CHD9: variants seen among roughly 807,000 people sequenced by gnomAD.
The protein encoded by CHD9 is ATP-dependent chromatin remodeler CHD9.
A neutral mutation model predicts 316.1 loss-of-function variants in CHD9; 77 were observed. The observed-to-expected ratio is 0.24, with a 90% confidence interval of 0.20 to 0.29. The LOEUF is 0.29. CHD9 is among the 10% of genes least tolerant of loss of function. CHD9 has a pLI of 1.00. For synonymous variants in CHD9, 1,129 were observed against 1,158.3 expected, an observed-to-expected ratio of 0.97 and a Z score of 0.51; for missense variants, 2,763 against 3,438.1, an observed-to-expected ratio of 0.80 and a Z score of 4.91.
chr16:53,109,677 CTTTTTTTTTTTTT>C lies in CHD9; in HGVS notation c.-164-46236_-164-46224del, dbSNP rs1166073629. Among the ~76,000 whole-genome samples the C allele has an allele frequency of 5.6e-5, 4 of 71,606 alleles. No homozygotes were observed. In the South Asian group the frequency reaches 2.3e-3, roughly 41 times the overall value. The allele number at this position is 71,606 out of a possible 152,430, so 47.0% of individuals were successfully genotyped here. A position where few individuals can be genotyped will look rare whatever the true frequency, so the allele number is the denominator to read the frequency against. The stretch of plus-strand genomic sequence containing the variant: ...GCCTAAAAATTTGGATTCCCAGTTT[CTTTTTTTTTTTTT>C]TTTTTTTTTTTTGAGATGGAGTCTC... On this transcript the variant is annotated intron_variant, in intron 1 of 38. Coordinates refer to ENST00000447540, the MANE Select transcript of CHD9 (RefSeq NM_001308319.2).
At chr16:53,083,187 C>A (rs561470093) in intron 1 of CHD9, among the ~76,000 whole-genome samples, 1 of 152,302 alleles carries the variant, frequency 6.6e-6, no homozygotes, top group South Asian at 2.1e-4. Flanking sequence ...ACACTTCCAC[C>A]AAAATGGCTT....
chr16:53,091,096 C>T (rs1202910973), intron 1 of CHD9, among the ~76,000 whole-genome samples: 1 of 152,122 alleles, frequency 6.6e-6, no homozygotes, highest in Non-Finnish European at 1.5e-5. Context: ...AGTGAGGTTT[C>T]GGATCTGCTC....
chr16:53,160,125 GCATCTATCTA>G (rs1266560963), intron 2 of CHD9, among the ~76,000 whole-genome samples: 1 of 152,148 alleles, frequency 6.6e-6, no homozygotes, highest in Admixed American at 6.5e-5. Context: ...GAACTTAGGT[GCATCTATCTA>G]CTTTGTATGT....
intron 2 of CHD9, among the ~76,000 whole-genome samples, chr16:53,181,528 C>T (rs994325240): frequency 6.6e-6 from 1 of 152,006 alleles, no homozygotes; most frequent in Non-Finnish European, 1.5e-5. Flanking sequence ...ATATAAATGT[C>T]AGAAAAGGTT....
At chr16:53,302,129 C>T (rs1234451759) in intron 30 of CHD9, among the ~76,000 whole-genome samples, 1 of 152,162 alleles carries the variant, frequency 6.6e-6, no homozygotes, top group South Asian at 2.1e-4. Flanking sequence ...AAGAAATTAA[C>T]ATTAAAGCCA....
At position 53,150,958 on chromosome 16, in the gene CHD9, T is replaced by G. The variant is rs192273650; in HGVS notation, c.-164-4968T>G. Among the ~76,000 whole-genome samples, 92 of 152,274 alleles carry G rather than the reference T, an allele frequency of 6.0e-4. 2 individuals carry two copies. The highest frequency in any genetic ancestry group is 1.1e-3 in the Non-Finnish European group (74 of 68,016). On this transcript the variant is annotated intron_variant, in intron 1 of 38. Transcript: ENST00000447540. ...TGTTACGATGTGATCTCTTAGAATT[T>G]ATCCTCCGCGGAGTTTGGTGAGCTT... is the stretch of plus-strand genomic sequence containing the variant.
intron 2 of CHD9, among the ~76,000 whole-genome samples, chr16:53,196,061 G>A (rs997130441): frequency 6.6e-6 from 1 of 151,978 alleles, no homozygotes; most frequent in Admixed American, 6.6e-5. Flanking sequence ...CCCAGCCTCC[G>A]TATATCCTTA....
At chr16:53,205,030 T>TG (rs1023123273) in intron 2 of CHD9, among the ~76,000 whole-genome samples, 22 of 152,046 alleles carry the variant, frequency 1.4e-4, no homozygotes, top group African/African-American at 4.6e-4. Context: ...TTAGTAGAGA[T>TG]GGGGTTTCAC....
chr16:53,262,257 T>C (rs1273287839), intron 19 of CHD9, among the ~76,000 whole-genome samples: 1 of 152,198 alleles, frequency 6.6e-6, no homozygotes, highest in Non-Finnish European at 1.5e-5. Flanking sequence ...TGATGAGGCC[T>C]ATTTACAGTG....
Position 53,273,708 on chromosome 16 carries a change from A to G in CHD9, c.4800A>G (p.Glu1600=). ...QTSSFDIQKA[E]WLRKYNPEQL... ...GCTCATTTGATATACAAAAAGCAGAATGGCTTCGAAAATATAATCCCGAGC... is the reference window on the plus strand; with the variant it reads ...GCTCATTTGATATACAAAAAGCAGAGTGGCTTCGAAAATATAATCCCGAGC... Residue 1600 remains glutamate (E), a synonymous_variant, in exon 23 of 39, where the codon GAA becomes GAG. Coordinates refer to ENST00000447540, the MANE Select transcript of CHD9 (RefSeq NM_001308319.2). 1 of 1,613,588 alleles carries G rather than the reference A, an allele frequency of 6.2e-7. No homozygotes were observed. Among genetic ancestry groups the G allele is most frequent in the Non-Finnish European group, 8.5e-7 (1 of 1,179,646 alleles).
intron 1 of CHD9, among the ~76,000 whole-genome samples, chr16:53,072,484 C>T (rs72797645): frequency 0.019 from 2,876 of 148,724 alleles, 46 homozygotes; most frequent in Middle Eastern, 0.038. Context: ...TCACTGTAGC[C>T]TCTAACTCCT....
At chr16:53,175,383 C>G (rs1350125906) in intron 2 of CHD9, among the ~76,000 whole-genome samples, 1 of 152,208 alleles carries the variant, frequency 6.6e-6, no homozygotes, top group Non-Finnish European at 1.5e-5. Context: ...AATAGTAGGT[C>G]TTAGTTGTCT....
At chr16:53,178,573 C>T (rs1446871543) in intron 2 of CHD9, among the ~76,000 whole-genome samples, 1 of 151,860 alleles carries the variant, frequency 6.6e-6, no homozygotes, top group East Asian at 1.9e-4. Context: ...GCCTCAGCCT[C>T]CCATGTAGCT....
chr16:53,304,025 G>T lies in CHD9; in HGVS notation c.6019G>T (p.Ala2007Ser). ...GAGGAACTACAGTCAAAGTAAGATG[G>T]CTCATTCAAGGACTTCTACCCCACT... is the stretch of plus-strand genomic sequence containing the variant. ...AQRNYSQSKM[A>S]HSRTSTPLLQ... The change falls in exon 31 of 39, where the codon GCT becomes TCT. Residue 2007 changes from alanine (A) to serine (S), a missense_variant. Transcript: ENST00000447540. The T allele has an allele frequency of 6.2e-7, 1 of 1,613,986 alleles. No homozygotes were observed. The highest frequency in any genetic ancestry group is 8.5e-7 in the Non-Finnish European group (1 of 1,179,878).
chr16:53,308,573 A>G, intron 33 of CHD9, 113 bp from the exon 34 acceptor site: 1 of 706,014 alleles, frequency 1.4e-6, no homozygotes, highest in South Asian at 1.7e-5. Context: ...AACTTCTTTG[A>G]TGTTTCAGGA....
At chr16:53,319,250 G>A (rs2057099400) in intron 37 of CHD9, among the ~76,000 whole-genome samples, 2 of 152,090 alleles carry the variant, frequency 1.3e-5, no homozygotes, top group South Asian at 2.1e-4. Context: ...TTCTCATTGC[G>A]TTATTTTTCT....
chr16:53,132,793 C>CTTTTTTTTT lies in CHD9; in HGVS notation c.-164-23114_-164-23106dup, dbSNP rs748626858. ...AGACTTTCCATTTCTTCTAATTCTG[C>CTTTTTTTTT]TTTTTTTTTTTTTTTTTTTTTTTTT... On this transcript the variant is annotated intron_variant, in intron 1 of 38. Transcript: ENST00000447540. Among the ~76,000 whole-genome samples, 33 of 68,506 alleles carry CTTTTTTTTT rather than the reference C, an allele frequency of 4.8e-4. 1 individual carries two copies. Among genetic ancestry groups the CTTTTTTTTT allele is most frequent in the East Asian group, 1.4e-3 (3 of 2,082 alleles). The allele number at this position is 68,506 out of a possible 152,430, so 44.9% of individuals were successfully genotyped here. A position where few individuals can be genotyped will look rare whatever the true frequency, so the allele number is the denominator to read the frequency against.
chr16:53,099,870 G>GGA (rs1256847434), intron 1 of CHD9, among the ~76,000 whole-genome samples: 1 of 152,274 alleles, frequency 6.6e-6, no homozygotes, highest in Non-Finnish European at 1.5e-5. Flanking sequence ...CCGGGCAGCG[G>GGA]GAGGGGGTGC....
intron 1 of CHD9, among the ~76,000 whole-genome samples, chr16:53,123,590 C>T (rs1009196446): frequency 6.6e-6 from 1 of 152,064 alleles, no homozygotes; most frequent in Admixed American, 6.6e-5. Context: ...CAACCTCTGC[C>T]TCCTGGGTTC....
Sources: gnomAD v4.1 joint callset for allele counts (sites outside exome capture counted in the v4.1 genomes callset) on GRCh38, gnomAD v4.1.1 for gene constraint, MANE v1.5 for transcripts, NCBI Gene and HGNC (gene_info 2026-07-23, HGNC 2026-07-21) for gene names.